Variants in FNBP4 observed in about 807,000 individuals in gnomAD.
FNBP4 encodes the protein formin-binding protein 4.
FNBP4 carries 34 observed loss-of-function variants against 119.3 expected under a neutral mutation model. The ratio of observed to expected loss-of-function variants is 0.28; its 90% CI spans 0.22 to 0.38. FNBP4 has a LOEUF of 0.38. FNBP4 is among the 10% of genes least tolerant of loss of function. FNBP4 has a pLI of 1.00. For missense variants in FNBP4, 1,112 were observed against 1,228.9 expected, an observed-to-expected ratio of 0.90 and a Z score of 1.42; for synonymous variants, 462 against 430.6, an observed-to-expected ratio of 1.07 and a Z score of -0.90.
chr11:47,724,576 G>C lies in FNBP4; in HGVS notation c.2211C>G (p.Ile737Met), dbSNP rs1398378569. 6.2e-7 allele frequency: 1 copy of C among 1,614,094 alleles called. No individual in the cohort carries two copies. Among genetic ancestry groups the C allele is most frequent in the Non-Finnish European group, 8.5e-7 (1 of 1,180,008 alleles). ...CCTCATCCTCCATCTCTACCTCCTG[G>C]ATCTCACCATCTTCCGCAGGAGGAG... ...PPPPPAEDGE[I>M]QEVEMEDEGS... The change falls in exon 13 of 17, where the codon ATC becomes ATG. Residue 737 changes from isoleucine to methionine, a missense_variant. By Grantham distance (10) the Ile-to-Met change is conservative. This residue lies in a region of FNBP4 where 826 missense variants were observed against 988.8 expected (regional missense o/e 0.84). Coordinates refer to ENST00000263773, the MANE Select transcript of FNBP4 (RefSeq NM_015308.5).
At chr11:47,766,167 A>T (rs1431937146) in intron 1 of FNBP4, among the ~76,000 whole-genome samples, 1 of 151,948 alleles carries the variant, frequency 6.6e-6, no homozygotes, top group Non-Finnish European at 1.5e-5. Flanking sequence ...TACAAAAATT[A>T]GCCGGGCATG....
chr11:47,723,557 G>A (rs183121867), intron 14 of FNBP4, among the ~76,000 whole-genome samples: 1 of 152,248 alleles, frequency 6.6e-6, no homozygotes, highest in East Asian at 1.9e-4. Context: ...AAGCATATGT[G>A]CTGAACGTTT....
chr11:47,749,370 T>C (rs1396557429), intron 6 of FNBP4, among the ~76,000 whole-genome samples: 1 of 151,820 alleles, frequency 6.6e-6, no homozygotes, highest in Non-Finnish European at 1.5e-5. Flanking sequence ...CAAGACCAGC[T>C]TGACCAACTG....
At chr11:47,718,125 T>TA (rs1440790036) in intron 16 of FNBP4, among the ~76,000 whole-genome samples, 5 of 152,006 alleles carry the variant, frequency 3.3e-5, no homozygotes, top group Non-Finnish European at 5.9e-5. Context: ...CACGTTCTAT[T>TA]AGAGTTTTTC....
chr11:47,722,318 A>T (rs1411893446), intron 15 of FNBP4, among the ~76,000 whole-genome samples: 1 of 151,168 alleles, frequency 6.6e-6, no homozygotes. Flanking sequence ...GTGCGATCTC[A>T]GCTCACTGCA....
At chr11:47,761,475 C>T (rs1275452323) in intron 2 of FNBP4, among the ~76,000 whole-genome samples, 1 of 152,064 alleles carries the variant, frequency 6.6e-6, no homozygotes, top group African/African-American at 2.4e-5. Flanking sequence ...GCCAGTAATC[C>T]CAGCTACTAG....
In FNBP4 at chr11:47,724,510, G is replaced by T. The variant is rs1442278275; in HGVS notation, c.2277C>A (p.Thr759=). Residue 759 remains threonine (T), a synonymous_variant, in exon 13 of 17, where the codon ACC becomes ACA. Coordinates refer to ENST00000263773, the MANE Select transcript of FNBP4 (RefSeq NM_015308.5). Reference sequence around the variant, plus strand: ...TGGTTTGTGCTGAAGGTTTCAAAGGGGTATCTTCCTCTGTTCCTGGGGCAG... The same window carrying T: ...TGGTTTGTGCTGAAGGTTTCAAAGGTGTATCTTCCTCTGTTCCTGGGGCAG... ...EPPAPGTEED[T]PLKPSAQTTV... is the part of the protein sequence containing the mutation. 1 of 1,614,158 alleles carries T rather than the reference G, an allele frequency of 6.2e-7. No individual in the cohort carries two copies. The highest frequency in any genetic ancestry group is 1.1e-5 in the South Asian group (1 of 91,082).
At chr11:47,753,559 C>T (rs867836707) in intron 3 of FNBP4, among the ~76,000 whole-genome samples, 84 of 151,714 alleles carry the variant, frequency 5.5e-4, no homozygotes, top group African/African-American at 1.9e-3. Context: ...TGCAGTGAGC[C>T]GAGATCACGC....
At chr11:47,730,251 G>C (rs2097565871) in intron 12 of FNBP4, 1 of 984,564 alleles carries the variant, frequency 1.0e-6, no homozygotes, top group Admixed American at 6.2e-5. Context: ...GCTACCAAAA[G>C]AGAGGAAAAA....
intron 2 of FNBP4, among the ~76,000 whole-genome samples, chr11:47,761,869 G>A (rs911279853): frequency 9.9e-5 from 15 of 151,198 alleles, no homozygotes; most frequent in East Asian, 1.9e-4. Context: ...ACAGAGTTTC[G>A]CTCTTGTTGC....
intron 6 of FNBP4, among the ~76,000 whole-genome samples, chr11:47,749,450 T>C (rs748450115): frequency 6.6e-6 from 1 of 151,804 alleles, no homozygotes. Context: ...TCCAAGCTAC[T>C]CGGGAAGTTG....
At position 47,767,328 on chromosome 11, in the gene FNBP4, G is replaced by T; in HGVS notation, c.-40C>A. On this transcript the variant is annotated 5_prime_UTR_variant, in exon 1 of 17. Transcript: ENST00000263773. ...CGAGCAGAGAGCGTCGGGCGGCCGA[G>T]AGGGGCGGGCACTGGAGGCTGGGCG... The T allele has an allele frequency of 6.9e-7, 1 of 1,440,396 alleles. No individual in the cohort carries two copies. Among genetic ancestry groups the T allele is most frequent in the Non-Finnish European group, 9.1e-7 (1 of 1,102,764 alleles). The allele number at this position is 1,440,396 out of a possible 1,614,324, so 89.2% of individuals were successfully genotyped here.
intron 8 of FNBP4, among the ~76,000 whole-genome samples, chr11:47,737,038 C>T (rs2097575176): frequency 6.6e-6 from 1 of 151,988 alleles, no homozygotes; most frequent in Non-Finnish European, 1.5e-5. Context: ...ACCGTCTCTA[C>T]TAAAAATACA....
intron 15 of FNBP4, 24 bp from the exon 16 acceptor site, chr11:47,720,110 A>G (rs1334525579): frequency 3.7e-5 from 59 of 1,596,414 alleles, no homozygotes; most frequent in Non-Finnish European, 5.0e-5. Context: ...TAAAGGTCAA[A>G]AGGAATAGAA....
At chr11:47,743,701 C>G in intron 8 of FNBP4, 1 of 486,716 alleles carries the variant, frequency 2.1e-6, no homozygotes, top group South Asian at 2.6e-5. Flanking sequence ...GCAACGTAGA[C>G]AGAGAGAAGA....
Position 47,754,587 on chromosome 11 carries a change from T to G in FNBP4, c.391A>C (p.Lys131Gln). The G allele has an allele frequency of 1.2e-6, 2 of 1,614,200 alleles. No homozygotes were observed. Among genetic ancestry groups the G allele is most frequent in the Non-Finnish European group, 1.7e-6 (2 of 1,180,044 alleles). Residue 131 changes from lysine to glutamine, a missense_variant, in exon 3 of 17, where the codon AAA (lysine) becomes CAA (glutamine). Lys to Gln is a moderately conservative substitution (Grantham distance 53, BLOSUM62 1). Around this residue, in one of 2 missense-constraint regions of FNBP4, gnomAD observed 286 missense variants for 240.1 expected, o/e 1.19. Transcript: ENST00000263773. ...GTTGACTGGTTTCCATTTGTCTCTT[T>G]GGATTGTGCTAGTTTTTCGGAAACA... ...NDVSEKLAQS[K>Q]ETNGNQSTDI...
At chr11:47,727,952 C>T (rs1423399402) in intron 12 of FNBP4, among the ~76,000 whole-genome samples, 1 of 151,632 alleles carries the variant, frequency 6.6e-6, no homozygotes, top group Non-Finnish European at 1.5e-5. Flanking sequence ...TGATATTGGC[C>T]CACCACAACC....
chr11:47,739,744 C>T (rs2097579130), intron 8 of FNBP4, among the ~76,000 whole-genome samples: 1 of 152,132 alleles, frequency 6.6e-6, no homozygotes, highest in Non-Finnish European at 1.5e-5. Flanking sequence ...ATGATTATGT[C>T]AACTATATTC....
chr11:47,731,207 C>T, intron 12 of FNBP4, 167 bp downstream of exon 12: 1 of 588,030 alleles, frequency 1.7e-6, no homozygotes, highest in Non-Finnish European at 2.8e-6. Context: ...CAATAGTATG[C>T]TGATTTCCAA....
Sources: allele counts gnomAD v4.1 joint callset (sites outside exome capture counted in the v4.1 genomes callset), GRCh38; gene constraint gnomAD v4.1.1; regional missense constraint gnomAD v4.1.1; transcripts MANE v1.5; gene names NCBI Gene and HGNC (gene_info 2026-07-23, HGNC 2026-07-21).